Variants in CDV3 observed in about 807,000 individuals in gnomAD.
The protein encoded by CDV3 is CDV3 homolog, also known as protein CDV3 homolog.
In CDV3, 14 loss-of-function variants were observed where a neutral mutation model predicts 24.5. The ratio of observed to expected loss-of-function variants is 0.57; its 90% CI spans 0.38 to 0.89. The LOEUF (loss-of-function observed/expected upper bound fraction) is 0.89. CDV3 is among the 40% of genes least tolerant of loss of function. The pLI is 0.00. For synonymous variants in CDV3, 114 were observed against 114.1 expected, an observed-to-expected ratio of 1.00 and a Z score of 0.00; for missense variants, 304 against 310.2, an observed-to-expected ratio of 0.98 and a Z score of 0.15.
rs942237672 is a variant in CDV3 at position 133,580,028 on chromosome 3, T to C, written c.318-3974T>C. Among the ~76,000 whole-genome samples, 30 of 152,236 alleles carry C rather than the reference T, an allele frequency of 2.0e-4. 1 individual carries two copies. The highest frequency in any genetic ancestry group is 1.5e-5 in the Non-Finnish European group (1 of 68,036). The stretch of plus-strand genomic sequence containing the variant: ...GGTACATGTACACAACGTGCAGGTT[T>C]GTTACATAGGTATATATGTGCCATG... On this transcript the variant is annotated intron_variant, in intron 2 of 4. Coordinates refer to ENST00000264993, the MANE Select transcript of CDV3 (RefSeq NM_017548.5).
chr3:133,574,012 G>T lies in CDV3; in HGVS notation c.-33G>T. 9.4e-7 allele frequency: 1 copy of T among 1,059,372 alleles called. No individual in the cohort carries two copies. The highest frequency in any genetic ancestry group is 1.1e-6 in the Non-Finnish European group (1 of 871,364). 65.6% of individuals were successfully genotyped at this position (1,059,372 alleles called of 1,614,324 possible). ...GCCCCGCGGGCCGCGCCCGCCGCCGGCCCCACCCATCCGGGTCGAGGAGGC... is the reference window on the plus strand; with the variant it reads ...GCCCCGCGGGCCGCGCCCGCCGCCGTCCCCACCCATCCGGGTCGAGGAGGC... On this transcript the variant is annotated 5_prime_UTR_variant, in exon 1 of 5. Transcript: ENST00000264993.
rs372481699 is a variant in CDV3, at chr3:133,586,542, A to G, written c.467-21A>G. 5.2e-5 allele frequency: 71 copies of G among 1,372,998 alleles called. 4 individuals carry two copies. Among genetic ancestry groups the G allele is most frequent in the African/African-American group, 1.9e-4 (13 of 68,988 alleles). 85.1% of individuals were successfully genotyped at this position (1,372,998 alleles called of 1,614,324 possible). ...GCTGAGCATTTAAATAGTTTATCTA[A>G]AAATTGTTATAAAATATTAGTTACA... On this transcript the variant is annotated intron_variant, in intron 3 of 4. Transcript: ENST00000264993.
chr3:133,579,329 A>G (rs2074931308), intron 2 of CDV3, among the ~76,000 whole-genome samples: 1 of 152,202 alleles, frequency 6.6e-6, no homozygotes. Context: ...TTTGTTTATA[A>G]AATTTAGCTG....
intron 1 of CDV3, 93 bp downstream of exon 1, chr3:133,574,377 G>A (rs1327898111): frequency 1.1e-6 from 1 of 930,596 alleles, no homozygotes; most frequent in Non-Finnish European, 1.3e-6. Context: ...TCCGGGAGGG[G>A]CCGCGGAGGC....
intron 2 of CDV3, among the ~76,000 whole-genome samples, chr3:133,583,185 A>G (rs142836161): frequency 1.0e-3 from 155 of 152,326 alleles, no homozygotes; most frequent in African/African-American, 3.2e-3. Context: ...CAGGTGATAA[A>G]TACATGTCTG....
intron 4 of CDV3, chr3:133,587,507 C>G (rs1933730663): frequency 4.5e-6 from 5 of 1,110,590 alleles, no homozygotes; most frequent in Non-Finnish European, 5.5e-6. Flanking sequence ...AAATCATTGA[C>G]TAATGAGTAG....
intron 2 of CDV3, among the ~76,000 whole-genome samples, chr3:133,579,823 C>A (rs1383343092): frequency 6.6e-6 from 1 of 152,132 alleles, no homozygotes; most frequent in Non-Finnish European, 1.5e-5. Flanking sequence ...GAACTCCTGA[C>A]CTCCAGTGAT....
intron 2 of CDV3, among the ~76,000 whole-genome samples, chr3:133,579,122 C>G (rs1005536291): frequency 1.3e-5 from 2 of 152,198 alleles, no homozygotes; most frequent in African/African-American, 4.8e-5. Context: ...CAGTGGGTCT[C>G]TTGGCTGCCT....
At position 133,574,423 on chromosome 3, in the gene CDV3, C is replaced by G. The variant is rs893108283; in HGVS notation, c.240+139C>G. The stretch of plus-strand genomic sequence containing the variant: ...GGCGCGGGCCGCCACGTGACGCAGG[C>G]TCTCCACCTCGGGCTGGGCTCGCCA... On this transcript the variant is annotated intron_variant, in intron 1 of 4. Coordinates refer to ENST00000264993, the MANE Select transcript of CDV3 (RefSeq NM_017548.5). 3.7e-5 allele frequency: 36 copies of G among 980,542 alleles called. No homozygotes were observed. In the African/African-American group the frequency reaches 6.3e-4, roughly 17 times the overall value. 60.7% of individuals were successfully genotyped at this position (980,542 alleles called of 1,614,324 possible). A position where few individuals can be genotyped will look rare whatever the true frequency, so the allele number is the denominator to read the frequency against.
chr3:133,585,600 T>C (rs1207712460), intron 3 of CDV3, among the ~76,000 whole-genome samples: 2 of 152,074 alleles, frequency 1.3e-5, no homozygotes, highest in Non-Finnish European at 2.9e-5. Flanking sequence ...GTTCAAGCTA[T>C]TCTCCTGCCT....
chr3:133,574,859 G>A (rs1332865087), intron 1 of CDV3, 180 bp from the exon 2 acceptor site: 1 of 721,234 alleles, frequency 1.4e-6, no homozygotes, highest in Non-Finnish European at 2.1e-6. Context: ...GTTAGCCTAC[G>A]AGCATGTTTG....
intron 3 of CDV3, 65 bp downstream of exon 3, chr3:133,584,215 T>A: frequency 8.1e-7 from 1 of 1,229,658 alleles, no homozygotes; most frequent in South Asian, 1.4e-5. Context: ...TATGGTCCAC[T>A]TTCAACTAAG....
At chr3:133,582,633 A>G (rs1045395871) in intron 2 of CDV3, among the ~76,000 whole-genome samples, 3 of 152,206 alleles carry the variant, frequency 2.0e-5, no homozygotes, top group African/African-American at 7.2e-5. Flanking sequence ...TGATGTTCCT[A>G]AGGTTATACA....
At chr3:133,579,996 G>A (rs1356096758) in intron 2 of CDV3, among the ~76,000 whole-genome samples, 1 of 152,120 alleles carries the variant, frequency 6.6e-6, no homozygotes, top group Non-Finnish European at 1.5e-5. Context: ...TATACTTTAA[G>A]TTCTAGGGTA....
Position 133,584,053 on chromosome 3 carries a change from C to G in CDV3, c.369C>G (p.Asn123Lys), listed in dbSNP as rs1359041496. Residue 123 changes from asparagine (N) to lysine (K), a missense_variant, in exon 3 of 5, where the codon AAC becomes AAG. By Grantham distance (94) the Asn-to-Lys change is moderately conservative. This residue lies in a region of CDV3 where 219 missense variants were observed against 203.6 expected (regional missense o/e 1.08). Transcript: ENST00000264993. ...DNEKRQDPGD[N>K]WEEGGGGGGG... ...AAAAGAGACAAGATCCAGGTGATAA[C>G]TGGGAAGAAGGTGGAGGTGGTGGTG... 1 of 1,611,584 alleles carries G rather than the reference C, an allele frequency of 6.2e-7. No homozygotes were observed. The highest frequency in any genetic ancestry group is 8.5e-7 in the Non-Finnish European group (1 of 1,177,874).
At chr3:133,574,410 C>A in intron 1 of CDV3, 126 bp downstream of exon 1, 1 of 972,582 alleles carries the variant, frequency 1.0e-6, no homozygotes, top group Non-Finnish European at 1.2e-6. Flanking sequence ...CGCGGGCCGC[C>A]ACGTGACGCA....
At chr3:133,587,053 A>G (rs1336830005) in intron 4 of CDV3, 3 of 556,668 alleles carry the variant, frequency 5.4e-6, no homozygotes, top group Non-Finnish European at 8.8e-6. Context: ...TATAATATGG[A>G]AACTAGAAAT....
At position 133,574,296 on chromosome 3, in the gene CDV3, G is replaced by C. The variant is rs2074714072; in HGVS notation, c.240+12G>C. On this transcript the variant is annotated intron_variant, in intron 1 of 4. Transcript: ENST00000264993. ...AGGCTGTGACGAAGGTGAGGGGCCG[G>C]GAGGCCGGCACTCGGGGCCCGGGCC... is the stretch of plus-strand genomic sequence containing the variant. 1.0e-6 allele frequency: 1 copy of C among 973,004 alleles called. No homozygotes were observed. Among genetic ancestry groups the C allele is most frequent in the Non-Finnish European group, 1.2e-6 (1 of 818,384 alleles). The allele number at this position is 973,004 out of a possible 1,614,324, so 60.3% of individuals were successfully genotyped here.
In CDV3 at chr3:133,583,401, G is replaced by T. The variant is rs372691005; in HGVS notation, c.318-601G>T. 1.3e-4 allele frequency among the ~76,000 whole-genome samples: 20 copies of T among 152,270 alleles called. 2 individuals are homozygous for T. The highest frequency in any genetic ancestry group is 2.4e-4 in the African/African-American group (10 of 41,552). ...TACACTTTGGTGCAAGGAAAATTTT[G>T]TAATTGTGCTCTTAATCCTTCAGCT... is the stretch of plus-strand genomic sequence containing the variant. On this transcript the variant is annotated intron_variant, in intron 2 of 4. Transcript: ENST00000264993.
Sources: gnomAD v4.1 joint callset for allele counts (sites outside exome capture counted in the v4.1 genomes callset) on GRCh38, gnomAD v4.1.1 for gene constraint, gnomAD v4.1.1 regional missense constraint, MANE v1.5 for transcripts, NCBI Gene and HGNC (gene_info 2026-07-23, HGNC 2026-07-21) for gene names.